Variants in DRC7 observed in about 807,000 individuals in gnomAD.
DRC7 encodes dynein regulatory complex subunit 7, also known as coiled-coil domain containing 135.
A neutral mutation model predicts 104.4 loss-of-function variants in DRC7; 80 were observed. The ratio of observed to expected loss-of-function variants is 0.77; its 90% confidence interval spans 0.64 to 0.92. The LOEUF (loss-of-function observed/expected upper bound fraction) is 0.92. Ranked by LOEUF, DRC7 falls within the 40% of genes least tolerant of loss-of-function variation. The pLI is 0.00. For synonymous variants in DRC7, 405 were observed against 447.3 expected (o/e 0.91, Z 1.19); for missense variants, 1,034 against 1,141.1 (o/e 0.91, Z 1.35).
At chr16:57,724,096 G>A (rs2048936317) in intron 12 of DRC7, among the ~76,000 whole-genome samples, 1 of 152,056 alleles carries the variant, frequency 6.6e-6, no homozygotes, top group Admixed American at 6.5e-5. Context: ...GATCACCTGA[G>A]GTCAGGAGTT....
chr16:57,707,838 C>T (rs529519831), intron 8 of DRC7, 160 bp downstream of exon 8: 17 of 643,860 alleles, frequency 2.6e-5, no homozygotes, highest in Non-Finnish European at 4.5e-5. Flanking sequence ...ACTCCCTTGC[C>T]CATGAATAAC....
chr16:57,707,158 G>A (rs970039362), intron 7 of DRC7, among the ~76,000 whole-genome samples: 1 of 152,224 alleles, frequency 6.6e-6, no homozygotes, highest in African/African-American at 2.4e-5. Context: ...TTTCCTTTCT[G>A]TGGATGAAAC....
Position 57,722,786 on chromosome 16 carries a change from G to C in DRC7, c.1353G>C (p.Pro451=). ...GGGCAAAGCTGGAGAAGTGGGCCCC[G>C]TACCTCAATAGCAATGGCCTTGTGA... is the stretch of plus-strand genomic sequence containing the variant. ...YKRAKLEKWA[P]YLNSNGLVSR... The change falls in exon 11 of 19, where the codon CCG becomes CCC. Residue 451 remains proline (P), a synonymous_variant. Coordinates refer to ENST00000360716, the MANE Select transcript of DRC7 (RefSeq NM_001289162.2). 1.2e-6 allele frequency: 2 copies of C among 1,613,912 alleles called. No individual in the cohort carries two copies. The highest frequency in any genetic ancestry group is 3.3e-5 in the Admixed American group (2 of 60,028).
At chr16:57,701,848 AC>A (rs2148733173) in intron 5 of DRC7, 87 bp from the exon 6 acceptor site, 1 of 1,216,912 alleles carries the variant, frequency 8.2e-7, no homozygotes, top group South Asian at 1.4e-5. Flanking sequence ...CTGGCTCCCC[AC>A]CCTGACAGGT....
At chr16:57,708,117 G>A (rs760008018) in intron 8 of DRC7, among the ~76,000 whole-genome samples, 7 of 152,082 alleles carry the variant, frequency 4.6e-5, no homozygotes, top group Admixed American at 1.3e-4. Flanking sequence ...TTTAACTCAC[G>A]TATGTGGCAC....
At position 57,726,286 on chromosome 16, in the gene DRC7, G is replaced by A. The variant is rs752061521; in HGVS notation, c.1974+3G>A. On this transcript the variant is annotated splice_donor_region_variant and intron_variant, in intron 14 of 18. Transcript: ENST00000360716. ...CCGACATGTGCATCAGCTTCGAGGT[G>A]GGCCTGGGGGCCACGGCGGGCAGGG... 1 of 1,605,298 alleles carries A rather than the reference G, an allele frequency of 6.2e-7. No individual in the cohort carries two copies. The highest frequency in any genetic ancestry group is 1.1e-5 in the South Asian group (1 of 90,950).
At chr16:57,730,474 G>A (rs982658876) in intron 17 of DRC7, among the ~76,000 whole-genome samples, 1 of 152,050 alleles carries the variant, frequency 6.6e-6, no homozygotes, top group Non-Finnish European at 1.5e-5. Flanking sequence ...TGGGTAGACA[G>A]AGAGATGGTA....
Position 57,724,802 on chromosome 16 carries a change from G to A in DRC7, c.1725G>A (p.Leu575=), listed in dbSNP as rs1322095519. 1.7e-5 allele frequency: 27 copies of A among 1,613,496 alleles called. No homozygotes were observed. The highest frequency in any genetic ancestry group is 6.7e-5 in the Admixed American group (4 of 59,988). ...SFGPRVKKLT[L]SSAESNPRPI... Reference sequence around the variant, plus strand: ...GACCCCGAGTCAAGAAGCTCACTCTGAGCAGTGCAGAGTCAAACCCCCGGC... The same window carrying A: ...GACCCCGAGTCAAGAAGCTCACTCTAAGCAGTGCAGAGTCAAACCCCCGGC... Residue 575 remains leucine (L), a synonymous_variant, in exon 13 of 19, where the codon CTG becomes CTA. Transcript: ENST00000360716.
At chr16:57,698,684 G>T (rs376855625) in intron 3 of DRC7, among the ~76,000 whole-genome samples, 166 bp from the exon 4 acceptor site, 63 of 152,264 alleles carry the variant, frequency 4.1e-4, no homozygotes, top group African/African-American at 1.0e-3. Flanking sequence ...AGCAAGACCT[G>T]TCTCTTAAAT....
intron 6 of DRC7, among the ~76,000 whole-genome samples, chr16:57,703,967 C>CA (rs35232247): frequency 0.05 from 3,160 of 63,334 alleles, 13 homozygotes; most frequent in Non-Finnish European, 0.065. Flanking sequence ...ACTCTGGCTC[C>CA]AAAAAAAAAA....
chr16:57,710,577 G>A (rs1026221638), intron 8 of DRC7, among the ~76,000 whole-genome samples: 2 of 152,104 alleles, frequency 1.3e-5, no homozygotes, highest in African/African-American at 2.4e-5. Flanking sequence ...CTGATCTTAC[G>A]GAGAGCATTT....
Position 57,698,084 on chromosome 16 carries a change from G to C in DRC7, c.135G>C (p.Lys45Asn). Residue 45 changes from lysine to asparagine, a missense_variant, in exon 3 of 19, where the codon AAG becomes AAC. Coordinates refer to ENST00000360716, the MANE Select transcript of DRC7 (RefSeq NM_001289162.2). ...TGCGGAAGGAGGAAATCACCTTAAA[G>C]CAGGAGACGCTCAGAGACCTGGAGA... ...VEVRKEEITL[K>N]QETLRDLEKK... 6.2e-7 allele frequency: 1 copy of C among 1,614,164 alleles called. No homozygotes were observed. Among genetic ancestry groups the C allele is most frequent in the Non-Finnish European group, 8.5e-7 (1 of 1,180,030 alleles).
intron 14 of DRC7, 40 bp downstream of exon 14, chr16:57,726,323 G>C (rs1414159122): frequency 1.3e-6 from 2 of 1,546,948 alleles, no homozygotes; most frequent in South Asian, 2.2e-5. Flanking sequence ...TCGGCTGCAG[G>C]AGGAACCGGG....
intron 8 of DRC7, among the ~76,000 whole-genome samples, chr16:57,715,596 C>T (rs2048834308): frequency 1.3e-5 from 2 of 152,218 alleles, no homozygotes; most frequent in African/African-American, 4.8e-5. Context: ...AAGTAACACT[C>T]AGTAGATGCT....
intron 7 of DRC7, among the ~76,000 whole-genome samples, chr16:57,706,679 A>C (rs1345359039): frequency 1.4e-5 from 1 of 72,820 alleles, no homozygotes; most frequent in Admixed American, 1.5e-4. Context: ...CGATCCATCC[A>C]TCCTTCCTTC....
intron 12 of DRC7, among the ~76,000 whole-genome samples, chr16:57,723,412 A>G (rs1432636045): frequency 6.6e-6 from 1 of 152,156 alleles, no homozygotes; most frequent in Admixed American, 6.5e-5. Flanking sequence ...GAACCTCACC[A>G]TGGGGTCACA....
In DRC7 at chr16:57,726,142, C is replaced by T. The variant is rs762564177; in HGVS notation, c.1833C>T (p.Val611=). 2 of 1,613,118 alleles carry T rather than the reference C, an allele frequency of 1.2e-6. No individual in the cohort carries two copies. The highest frequency in any genetic ancestry group is 1.1e-5 in the South Asian group (1 of 91,048). Residue 611 remains valine (V), a synonymous_variant, in exon 14 of 19, where the codon GTC becomes GTT. Transcript: ENST00000360716. ...EEDVAERVFL[V]AEERIQLRYH... ...ACGTGGCAGAGCGCGTGTTTCTGGT[C>T]GCGGAGGAGCGCATCCAGCTGCGCT...
Position 57,716,242 on chromosome 16 carries a change from C to G in DRC7, c.1078-2105C>G, listed in dbSNP as rs2148757241. On this transcript the variant is annotated intron_variant, in intron 8 of 18. Coordinates refer to ENST00000360716, the MANE Select transcript of DRC7 (RefSeq NM_001289162.2). ...GGTTGGCCGGGCACAGTGGCTCACG[C>G]CTTTAATCCCAGGACTTTGAGAGGC... is the stretch of plus-strand genomic sequence containing the variant. Among the ~76,000 whole-genome samples, 3 of 152,298 alleles carry G rather than the reference C, an allele frequency of 2.0e-5. No individual in the cohort carries two copies. The East Asian group carries it at 5.8e-4, about 29-fold the overall frequency.
At chr16:57,730,161 A>G (rs201177751) in intron 17 of DRC7, among the ~76,000 whole-genome samples, 19 of 112,682 alleles carry the variant, frequency 1.7e-4, no homozygotes, top group Admixed American at 5.4e-4. Context: ...GGATGGATGG[A>G]TGAGTAGGTG....
Sources: allele counts gnomAD v4.1 joint callset (sites outside exome capture counted in the v4.1 genomes callset), GRCh38; gene constraint gnomAD v4.1.1; transcripts MANE v1.5; gene names NCBI Gene and HGNC (gene_info 2026-07-23, HGNC 2026-07-21).